ADPRHL1: variants seen among roughly 807,000 people sequenced by gnomAD.
ADPRHL1 encodes the protein inactive ADP-ribosyltransferase ARH2.
A neutral mutation model predicts 44.1 loss-of-function variants in ADPRHL1; 43 were observed. That is an observed-to-expected ratio of 0.98 (90% CI 0.76 to 1.26). The LOEUF is 1.26. ADPRHL1 is among the 50% of genes most tolerant of loss of function. The pLI, the probability that ADPRHL1 is intolerant of heterozygous loss-of-function variation, is 0.00. For missense variants in ADPRHL1, 2,022 were observed against 2,496.9 expected (o/e 0.81, Z 4.05); for synonymous variants, 878 against 1,017.4 (o/e 0.86, Z 2.61).
intron 2 of ADPRHL1, among the ~76,000 whole-genome samples, chr13:113,434,250 G>A (rs1424869946): frequency 1.3e-5 from 2 of 151,596 alleles, no homozygotes; most frequent in Admixed American, 6.6e-5. Flanking sequence ...CTGGTGTACC[G>A]CGGGACCCAG....
At chr13:113,433,578 C>T (rs1183208257) in intron 3 of ADPRHL1, among the ~76,000 whole-genome samples, 164 bp downstream of exon 3, 4 of 152,222 alleles carry the variant, frequency 2.6e-5, no homozygotes, top group Non-Finnish European at 5.9e-5. Flanking sequence ...TCACAGCAGG[C>T]AGCCGGCAGG....
intron 7 of ADPRHL1, chr13:113,422,568 T>C (rs368891797): frequency 5.8e-5 from 30 of 513,454 alleles, no homozygotes; most frequent in East Asian, 5.8e-4. Flanking sequence ...GTGCCACGCA[T>C]GGAGGTCCAA....
intron 5 of ADPRHL1, among the ~76,000 whole-genome samples, chr13:113,424,685 T>TATCCACCCATCCACTCATCC (rs796534583): frequency 4.2e-5 from 1 of 23,638 alleles, no homozygotes; most frequent in Non-Finnish European, 8.0e-5. Flanking sequence ...TCCATTCATC[T>TATCCACCCATCCACTCATCC]ATCCACCCAT....
intron 4 of ADPRHL1, among the ~76,000 whole-genome samples, chr13:113,427,506 G>A (rs996392775): frequency 2.0e-5 from 3 of 152,068 alleles, no homozygotes; most frequent in African/African-American, 7.2e-5. Context: ...TGGGATTATA[G>A]GCGTGAGCCA....
chr13:113,453,314 C>A lies in ADPRHL1; in HGVS notation c.124G>T (p.Gly42Cys). The change falls in exon 1 of 8, where the codon GGC (glycine) becomes TGC (cysteine). Residue 42 changes from glycine (G) to cysteine (C), a missense_variant. Around this residue, in one of 8 missense-constraint regions of ADPRHL1, gnomAD observed 437 missense variants for 430.7 expected, o/e 1.01. Transcript: ENST00000612156. This position sits in a 1 kb window ranked among gnomAD's most constrained non-coding sequence, Gnocchi z 5.4. ...KIQEELQRSG[G>C]LDHLVLSPGE... ...GGCGAGAGTACGAGGTGGTCCAGGC[C>A]CCCGGAACGTTGCAGCTCCTCCTGG... 4 of 1,614,192 alleles carry A rather than the reference C, an allele frequency of 2.5e-6. No individual in the cohort carries two copies. In the South Asian group the frequency reaches 4.4e-5, roughly 18 times the overall value.
rs2043799944 is a variant in ADPRHL1 at position 113,405,357 on chromosome 13, C to T, written c.3925G>A (p.Glu1309Lys). ...ACTGCGGGAAGCAGATGGTCAGGCT[C>T]CGCCCCACGGGGAAACCTGACGCCC... is the stretch of plus-strand genomic sequence containing the variant. ...REGVRFPRGA[E>K]PDHLLPAVPP... The change falls in exon 8 of 8, where the codon GAG becomes AAG. Residue 1309 changes from glutamate to lysine, a missense_variant. Transcript: ENST00000612156. The T allele has an allele frequency of 5.7e-6, 7 of 1,231,866 alleles. No individual in the cohort carries two copies. The highest frequency in any genetic ancestry group is 7.1e-6 in the Non-Finnish European group (7 of 988,060). 76.3% of individuals were successfully genotyped at this position (1,231,866 alleles called of 1,614,324 possible).
rs147753084 is a variant in ADPRHL1, at chr13:113,424,234, C to T, written c.890G>A (p.Arg297Gln). ...AGNSWTELCHRAMFHGGESAA... is the reference protein window; with the variant it reads ...AGNSWTELCHQAMFHGGESAA... The stretch of plus-strand genomic sequence containing the variant: ...CATCTCACCTCCATGAAACATGGCC[C>T]GGTGACACAGCTCAGTCCAGCTGTT... The change falls in exon 6 of 8, where the codon CGG becomes CAG. Residue 297 changes from arginine to glutamine, a missense_variant. Arg to Gln is a conservative substitution (Grantham distance 43). Transcript: ENST00000612156. The T allele has an allele frequency of 4.0e-5, 64 of 1,612,822 alleles. No individual in the cohort carries two copies. Among genetic ancestry groups the T allele is most frequent in the African/African-American group, 3.3e-4 (25 of 75,026 alleles).
Position 113,424,317 on chromosome 13 carries a change from C to T in ADPRHL1, c.807G>A (p.Gly269=). ...TGGGGGCATCGTGGCCTCGTCTTCC[C>T]CCTCGACCTTCCGAGCTCCACTTCC... The part of the protein sequence containing the change: ...TYRKWSSEGR[G]GRRGHDAPMI... Residue 269 remains glycine, a synonymous_variant, in exon 6 of 8, where the codon GGG becomes GGA. Transcript: ENST00000612156. 1 of 1,612,858 alleles carries T rather than the reference C, an allele frequency of 6.2e-7. No homozygotes were observed. The highest frequency in any genetic ancestry group is 8.5e-7 in the Non-Finnish European group (1 of 1,179,918).
intron 5 of ADPRHL1, 147 bp from the exon 6 acceptor site, chr13:113,424,496 C>T (rs1251420057): frequency 1.7e-5 from 20 of 1,162,040 alleles, no homozygotes; most frequent in East Asian, 2.6e-5. Context: ...GCTCTGTCCC[C>T]CAGGTTGGAG....
At chr13:113,437,014 G>A (rs1595552285) in intron 2 of ADPRHL1, among the ~76,000 whole-genome samples, 1 of 145,564 alleles carries the variant, frequency 6.9e-6, no homozygotes, top group African/African-American at 2.6e-5. Flanking sequence ...AGTGAGCATA[G>A]GTGTACCCTG....
chr13:113,429,584 C>T (rs2043992913), intron 3 of ADPRHL1, among the ~76,000 whole-genome samples: 1 of 152,270 alleles, frequency 6.6e-6, no homozygotes, highest in South Asian at 2.1e-4. Flanking sequence ...TGAGCTGCCT[C>T]CGCCTTTGGC....
At position 113,402,971 on chromosome 13, in the gene ADPRHL1, C is replaced by T. The variant is rs1241036156; in HGVS notation, c.*407G>A. The T allele has an allele frequency of 6.4e-6, 1 of 156,832 alleles. No homozygotes were observed. The highest frequency in any genetic ancestry group is 1.4e-5 in the Non-Finnish European group (1 of 71,514). The allele number at this position is 156,832 out of a possible 1,614,324, so 9.7% of individuals were successfully genotyped here. The stretch of plus-strand genomic sequence containing the variant: ...TGGGCAGGGAGCAGTGGGAGGTGGC[C>T]CTGTGAGAGCTGGGGAGGTGTCCCA... On this transcript the variant is annotated 3_prime_UTR_variant, in exon 8 of 8. Transcript: ENST00000612156.
rs1250844495 is a variant in ADPRHL1 at position 113,453,483 on chromosome 13, C to T, written c.-46G>A. On this transcript the variant is annotated 5_prime_UTR_variant, in exon 1 of 8. Transcript: ENST00000612156. The surrounding 1 kb of genome is among the most constrained non-coding windows in gnomAD (Gnocchi z 5.4). The stretch of plus-strand genomic sequence containing the variant: ...CCCCAACAGCTGCGGAGCGTCCTGG[C>T]CTTTGTCTCCTCCTCAGCCCGCCTG... 1 of 1,590,264 alleles carries T rather than the reference C, an allele frequency of 6.3e-7. No individual in the cohort carries two copies. Among genetic ancestry groups the T allele is most frequent in the Middle Eastern group, 1.7e-4 (1 of 5,896 alleles).
rs1033078337 is a variant in ADPRHL1, at chr13:113,401,642, G to A, written c.*1736C>T. The A allele has an allele frequency of 2.0e-5, 3 of 152,498 alleles. No homozygotes were observed. Among genetic ancestry groups the A allele is most frequent in the East Asian group, 1.9e-4 (1 of 5,158 alleles). The allele number at this position is 152,498 out of a possible 1,614,324, so 9.4% of individuals were successfully genotyped here. The stretch of plus-strand genomic sequence containing the variant: ...TAGAGGAGGCCCCGGGGGCCCTGTC[G>A]GGGGAGCTGTGGGGACCGGCCCCCC... On this transcript the variant is annotated 3_prime_UTR_variant, in exon 8 of 8. Transcript: ENST00000612156. This position sits in a 1 kb window ranked among gnomAD's most constrained non-coding sequence, Gnocchi z 5.5.
chr13:113,427,415 G>A (rs1180726618), intron 4 of ADPRHL1, among the ~76,000 whole-genome samples: 1 of 152,252 alleles, frequency 6.6e-6, no homozygotes, highest in African/African-American at 2.4e-5. Flanking sequence ...GGCACCACCG[G>A]CTTAGCCATC....
In ADPRHL1 at chr13:113,406,831, C is replaced by T. The variant is rs763579372; in HGVS notation, c.2451G>A (p.Pro817=). 8.9e-6 allele frequency: 11 copies of T among 1,232,090 alleles called. No homozygotes were observed. Among genetic ancestry groups the T allele is most frequent in the African/African-American group, 1.5e-5 (1 of 64,532 alleles). 76.3% of individuals were successfully genotyped at this position (1,232,090 alleles called of 1,614,324 possible). Residue 817 remains proline (P), a synonymous_variant, in exon 8 of 8, where the codon CCG becomes CCA. Transcript: ENST00000612156. ...TQKYFPEQKV[P]EHIPPLNAPS... ...GAGCGTTCAGGGGTGGGATGTGCTC[C>T]GGCACCTTCTGTTCTGGGAAATACT...
In ADPRHL1 at chr13:113,448,922, G is replaced by A. The variant is rs574834468; in HGVS notation, c.214+4302C>T. 64 of 982,874 alleles carry A rather than the reference G, an allele frequency of 6.5e-5. No homozygotes were observed. The South Asian group carries it at 2.9e-3, about 45-fold the overall frequency. The allele number at this position is 982,874 out of a possible 1,614,324, so 60.9% of individuals were successfully genotyped here. ...GGAGTGGGGGTAGGGAGCTGGGAAT[G>A]GCCAGCTGCATACCCGAGCAATGGC... On this transcript the variant is annotated intron_variant, in intron 1 of 7. Transcript: ENST00000612156.
At chr13:113,424,564 C>T (rs1182332562) in intron 5 of ADPRHL1, among the ~76,000 whole-genome samples, 1 of 151,812 alleles carries the variant, frequency 6.6e-6, no homozygotes, top group Non-Finnish European at 1.5e-5. Flanking sequence ...AAGCGATTCT[C>T]CTGCCTCAGC....
rs377658823 is a variant in ADPRHL1 at position 113,429,048 on chromosome 13, C to T, written c.550G>A (p.Ala184Thr). 82 of 1,612,442 alleles carry T rather than the reference C, an allele frequency of 5.1e-5. 1 individual carries two copies. Among genetic ancestry groups the T allele is most frequent in the South Asian group, 4.5e-4 (41 of 91,022 alleles). The change falls in exon 4 of 8, where the codon GCA (alanine) becomes ACA (threonine). Residue 184 changes from alanine (A) to threonine (T), a missense_variant. This residue lies in a region of ADPRHL1 where 437 missense variants were observed against 430.7 expected (regional missense o/e 1.01). Coordinates refer to ENST00000612156, the MANE Select transcript of ADPRHL1 (RefSeq NM_001394807.1). Reference protein sequence around the residue: ...LCTALFVSFAAQGKPLVQWGR... With the variant: ...LCTALFVSFATQGKPLVQWGR... The stretch of plus-strand genomic sequence containing the variant: ...CACTGGACCAGGGGCTTTCCTTGTG[C>T]GGCGAACGACACAAACAGGGCCGTG...
Sources: gnomAD v4.1 joint callset for allele counts (sites outside exome capture counted in the v4.1 genomes callset) on GRCh38, gnomAD v4.1.1 for gene constraint, gnomAD v4.1.1 regional missense constraint, Gnocchi (gnomAD v3.1) non-coding constraint, MANE v1.5 for transcripts, NCBI Gene and HGNC (gene_info 2026-07-23, HGNC 2026-07-21) for gene names.